LRRIQ1: variants seen among roughly 807,000 people sequenced by gnomAD.
The protein encoded by LRRIQ1 is leucine-rich repeat- and IQ domain-containing protein 1.
In LRRIQ1, 210 loss-of-function variants were observed where a neutral mutation model predicts 211.9. That is an observed-to-expected ratio of 0.99 (90% confidence interval 0.89 to 1.11). LRRIQ1 has a LOEUF of 1.11. Ranked by LOEUF, LRRIQ1 falls within the 50% of genes most tolerant of loss-of-function variation. LRRIQ1 has a pLI of 0.00. For synonymous variants in LRRIQ1, 699 were observed against 650.1 expected, an observed-to-expected ratio of 1.08 and a Z score of -1.14; for missense variants, 2,136 against 1,939.5, an observed-to-expected ratio of 1.10 and a Z score of -1.90.
chr12:85,046,094 G>C lies in LRRIQ1; in HGVS notation c.411G>C (p.Glu137Asp), dbSNP rs778273113. Reference sequence around the variant, plus strand: ...GTGCCACTCCTGATTTTGTTCCTGAGCCTAGTCCTCATGACTTGCCTATGG... The same window carrying C: ...GTGCCACTCCTGATTTTGTTCCTGACCCTAGTCCTCATGACTTGCCTATGG... ...TDCATPDFVP[E>D]PSPHDLPMDE... The change falls in exon 5 of 27, where the codon GAG (glutamate) becomes GAC (aspartate). Residue 137 changes from glutamate (E) to aspartate (D), a missense_variant. Coordinates refer to ENST00000393217, the MANE Select transcript of LRRIQ1 (RefSeq NM_001079910.2). 6.2e-7 allele frequency: 1 copy of C among 1,610,794 alleles called. No individual in the cohort carries two copies. Among genetic ancestry groups the C allele is most frequent in the Non-Finnish European group, 8.5e-7 (1 of 1,178,044 alleles).
chr12:85,154,228 A>G (rs1345593324), intron 23 of LRRIQ1, 134 bp downstream of exon 23: 4 of 387,462 alleles, frequency 1.0e-5, no homozygotes, highest in Non-Finnish European at 1.8e-5. Context: ...AGATACTCTG[A>G]AAAAAAATAA....
intron 8 of LRRIQ1, among the ~76,000 whole-genome samples, chr12:85,064,663 AGATTT>A (rs1592725192): frequency 1.3e-5 from 2 of 151,782 alleles, no homozygotes; most frequent in East Asian, 3.9e-4. Context: ...TTGGGGTCTT[AGATTT>A]AAGTATGTTT....
intron 23 of LRRIQ1, among the ~76,000 whole-genome samples, chr12:85,157,873 A>T (rs1043748147): frequency 4.0e-5 from 6 of 151,802 alleles, no homozygotes; most frequent in African/African-American, 1.2e-4. Flanking sequence ...AGCCAGCATT[A>T]AAAAAAGGCT....
At chr12:85,125,903 C>G (rs994605712) in intron 17 of LRRIQ1, among the ~76,000 whole-genome samples, 1 of 151,686 alleles carries the variant, frequency 6.6e-6, no homozygotes, top group Non-Finnish European at 1.5e-5. Context: ...AACTAAAGAC[C>G]CAAAGAATAA....
chr12:85,051,315 C>T (rs1051014597), intron 6 of LRRIQ1, among the ~76,000 whole-genome samples: 24 of 152,182 alleles, frequency 1.6e-4, no homozygotes, highest in African/African-American at 5.5e-4. Flanking sequence ...CCAGCAAAAT[C>T]GTGAATTAAA....
chr12:85,208,706 G>T (rs1893686762), intron 24 of LRRIQ1, among the ~76,000 whole-genome samples: 1 of 152,072 alleles, frequency 6.6e-6, no homozygotes, highest in Non-Finnish European at 1.5e-5. Flanking sequence ...TCAATGGATG[G>T]ATTAAAGAAA....
At chr12:85,266,245 A>G (rs1289667810), downstream of LRRIQ1, among the ~76,000 whole-genome samples, 1 of 152,088 alleles carries the variant, frequency 6.6e-6, no homozygotes, top group Non-Finnish European at 1.5e-5. Flanking sequence ...TTCAAATAGC[A>G]CAATTTGCAC....
intron 1 of LRRIQ1, among the ~76,000 whole-genome samples, chr12:85,253,082 T>C (rs1381455182): frequency 6.6e-6 from 1 of 152,028 alleles, no homozygotes; most frequent in Non-Finnish European, 1.5e-5. Flanking sequence ...ATAGGCTTTT[T>C]TTCTCTCTCT....
chr12:85,188,254 C>G (rs1394524858), intron 24 of LRRIQ1, among the ~76,000 whole-genome samples: 1 of 151,812 alleles, frequency 6.6e-6, no homozygotes, highest in Non-Finnish European at 1.5e-5. Context: ...TTTAATGACC[C>G]AAGATTGACT....
In LRRIQ1 at chr12:85,160,584, T is replaced by TTTCA. The variant is rs763330126; in HGVS notation, c.4721-29_4721-28insTTCA. On this transcript the variant is annotated intron_variant, in intron 23 of 26. Transcript: ENST00000393217. ...GAGAAGGAATTAACCAAAGATGAAC[T>TTTCA]CTGCTCCTTTCTTATTCGTTTTGTT... 3.3e-5 allele frequency: 46 copies of TTTCA among 1,386,280 alleles called. No homozygotes were observed. In the African/African-American group the frequency reaches 5.3e-4, roughly 16 times the overall value. The allele number at this position is 1,386,280 out of a possible 1,614,324, so 85.9% of individuals were successfully genotyped here.
At chr12:85,238,239 A>T (rs540015178) in intron 26 of LRRIQ1, among the ~76,000 whole-genome samples, 1 of 151,830 alleles carries the variant, frequency 6.6e-6, no homozygotes, top group Non-Finnish European at 1.5e-5. Flanking sequence ...AAAATAACTT[A>T]AAAAAAATCA....
intron 24 of LRRIQ1, among the ~76,000 whole-genome samples, chr12:85,214,858 G>C (rs1434581240): frequency 6.6e-6 from 1 of 151,984 alleles, no homozygotes; most frequent in Non-Finnish European, 1.5e-5. Context: ...ACGCATTATA[G>C]TTAAGAACCC....
At chr12:85,120,436 C>T (rs1887889625) in intron 15 of LRRIQ1, among the ~76,000 whole-genome samples, 1 of 152,208 alleles carries the variant, frequency 6.6e-6, no homozygotes, top group African/African-American at 2.4e-5. Context: ...ACTATAGCTT[C>T]ATATTAAGTC....
chr12:85,079,935 G>C (rs976899454), intron 11 of LRRIQ1, among the ~76,000 whole-genome samples: 2 of 151,806 alleles, frequency 1.3e-5, no homozygotes, highest in African/African-American at 4.8e-5. Flanking sequence ...ACTTTCCATT[G>C]CTCTTTATTT....
chr12:85,194,040 AGACTTTAAACC>A (rs1892749169), intron 24 of LRRIQ1, among the ~76,000 whole-genome samples: 1 of 95,488 alleles, frequency 1.0e-5, no homozygotes. Context: ...CTGATAAAAC[AGACTTTAAACC>A]AACAAAGATC....
intron 11 of LRRIQ1, among the ~76,000 whole-genome samples, chr12:85,094,091 C>T (rs1369231029): frequency 6.6e-6 from 1 of 152,174 alleles, no homozygotes; most frequent in African/African-American, 2.4e-5. Context: ...AGCTAGATAT[C>T]CTGAGTTTGC....
At chr12:85,252,027 G>A (rs961460912) in intron 1 of LRRIQ1, among the ~76,000 whole-genome samples, 2 of 151,778 alleles carry the variant, frequency 1.3e-5, no homozygotes, top group African/African-American at 4.8e-5. Context: ...TTGTAGCTCA[G>A]CACAATCAAC....
At chr12:85,153,864 A>C (rs1890388332) in intron 22 of LRRIQ1, 106 bp downstream of exon 22, 3 of 953,140 alleles carry the variant, frequency 3.1e-6, no homozygotes, top group African/African-American at 3.4e-5. Flanking sequence ...AGTTTTTTAT[A>C]AATTGTCCAT....
chr12:85,171,710 G>C (rs1392684140), intron 24 of LRRIQ1, among the ~76,000 whole-genome samples: 1 of 152,034 alleles, frequency 6.6e-6, no homozygotes, highest in African/African-American at 2.4e-5. Flanking sequence ...CAGAAGGTTG[G>C]GCCCATAATC....
Sources: allele counts gnomAD v4.1 joint callset (sites outside exome capture counted in the v4.1 genomes callset), GRCh38; gene constraint gnomAD v4.1.1; transcripts MANE v1.5; gene names NCBI Gene and HGNC (gene_info 2026-07-23, HGNC 2026-07-21).